Variants in TXNRD2 observed in about 807,000 individuals in gnomAD.
TXNRD2 encodes thioredoxin reductase 2, mitochondrial.
TXNRD2 carries 67 observed loss-of-function variants against 70.8 expected under a neutral mutation model. The observed-to-expected ratio is 0.95, with a 90% CI of 0.78 to 1.16. The LOEUF (loss-of-function observed/expected upper bound fraction) is 1.16, where lower values mean the gene tolerates loss of function less well. Ranked by LOEUF, TXNRD2 falls within the 50% of genes most tolerant of loss-of-function variation. The pLI is 0.00. For synonymous variants in TXNRD2, 301 were observed against 295.8 expected (o/e 1.02, Z -0.18); for missense variants, 644 against 719.9 (o/e 0.89, Z 1.21).
chr22:19,904,533 G>A (rs899927781), intron 8 of TXNRD2, among the ~76,000 whole-genome samples: 3 of 152,230 alleles, frequency 2.0e-5, no homozygotes, highest in South Asian at 2.1e-4. Context: ...GGCATGGTAC[G>A]ACCTTGCAGG....
chr22:19,909,542 C>T (rs78958146), intron 8 of TXNRD2, among the ~76,000 whole-genome samples: 2 of 116,714 alleles, frequency 1.7e-5, no homozygotes, highest in South Asian at 2.8e-4. Flanking sequence ...CACACACACA[C>T]ATAACCACTC....
intron 8 of TXNRD2, among the ~76,000 whole-genome samples, chr22:19,907,214 G>GGT (rs1569090626): frequency 6.3e-5 from 5 of 78,842 alleles, no homozygotes; most frequent in Admixed American, 1.9e-4. Flanking sequence ...GGAGAGTGTG[G>GGT]GCGCCGTGAG....
chr22:19,904,667 G>A (rs999740050), intron 8 of TXNRD2, among the ~76,000 whole-genome samples: 4 of 152,234 alleles, frequency 2.6e-5, no homozygotes, highest in East Asian at 1.9e-4. Flanking sequence ...AGAGAGGGAC[G>A]AGGGAGGCCT....
intron 8 of TXNRD2, among the ~76,000 whole-genome samples, chr22:19,908,387 AT>A (rs1321731435): frequency 6.6e-6 from 1 of 152,162 alleles, no homozygotes; most frequent in Non-Finnish European, 1.5e-5. Flanking sequence ...TGTAAAGCGT[AT>A]AAGACCACCT....
At chr22:19,920,938 T>C (rs1940883034) in intron 2 of TXNRD2, among the ~76,000 whole-genome samples, 1 of 151,632 alleles carries the variant, frequency 6.6e-6, no homozygotes, top group Admixed American at 6.6e-5. Flanking sequence ...CTGTCTCTAC[T>C]AAAAAATACA....
intron 11 of TXNRD2, chr22:19,895,048 C>T: frequency 1.3e-6 from 2 of 1,575,142 alleles, no homozygotes; most frequent in Non-Finnish European, 1.7e-6. Flanking sequence ...GTGCTGAAAC[C>T]TTAATAAGCA....
chr22:19,930,902 G>A (rs1354214584), intron 2 of TXNRD2, 128 bp downstream of exon 2: 3 of 820,802 alleles, frequency 3.7e-6, no homozygotes, highest in East Asian at 2.5e-5. Context: ...CCACAACACA[G>A]AGGCCACTGG....
chr22:19,892,887 C>T (rs184867078), intron 11 of TXNRD2, among the ~76,000 whole-genome samples: 24 of 152,322 alleles, frequency 1.6e-4, no homozygotes, highest in Admixed American at 2.6e-4. Flanking sequence ...CCTAATCCTT[C>T]GTAGTGTTTA....
intron 8 of TXNRD2, among the ~76,000 whole-genome samples, chr22:19,902,807 T>A (rs546655764): frequency 6.6e-6 from 1 of 152,224 alleles, no homozygotes; most frequent in East Asian, 1.9e-4. Context: ...CACAAGGACA[T>A]CCCATCACAC....
chr22:19,878,528 G>A, intron 14 of TXNRD2, 91 bp from the exon 15 acceptor site: 1 of 1,187,596 alleles, frequency 8.4e-7, no homozygotes, highest in Non-Finnish European at 1.3e-6. Flanking sequence ...GCAAGGCAGG[G>A]TCATGGCGGG....
chr22:19,890,121 C>T lies in TXNRD2; in HGVS notation c.949+5286G>A, dbSNP rs73148967. On this transcript the variant is annotated intron_variant, in intron 11 of 17. Transcript: ENST00000400521. ...AGGGCGCTGCCTCCTGCTACTCTGG[C>T]CTGGCCTCTGTGAGGTGTTAGCACC... Among the ~76,000 whole-genome samples, 395 of 152,282 alleles carry T rather than the reference C, an allele frequency of 2.6e-3. 1 individual carries two copies. Among genetic ancestry groups the T allele is most frequent in the Non-Finnish European group, 4.6e-3 (315 of 68,026 alleles).
intron 2 of TXNRD2, among the ~76,000 whole-genome samples, chr22:19,930,676 G>C (rs1941323314): frequency 6.6e-6 from 1 of 152,232 alleles, no homozygotes; most frequent in Admixed American, 6.5e-5. Context: ...GACAGCCACA[G>C]TAAGGTGAAG....
At chr22:19,905,699 G>A (rs1485112051) in intron 8 of TXNRD2, among the ~76,000 whole-genome samples, 1 of 152,068 alleles carries the variant, frequency 6.6e-6, no homozygotes, top group Non-Finnish European at 1.5e-5. Context: ...ATCCTGCAGG[G>A]GCTGGAGGGG....
At chr22:19,931,134 G>A (rs1569112850) in intron 1 of TXNRD2, 36 bp from the exon 2 acceptor site, 8 of 1,599,476 alleles carry the variant, frequency 5.0e-6, no homozygotes, top group Admixed American at 1.7e-5. Flanking sequence ...CGGACTGTCT[G>A]TCTGGTTAAA....
chr22:19,902,121 T>A (rs1384823350), intron 8 of TXNRD2, among the ~76,000 whole-genome samples: 2 of 152,152 alleles, frequency 1.3e-5, no homozygotes, highest in Non-Finnish European at 2.9e-5. Context: ...CACTTGAGCC[T>A]AGGAGTTTGA....
At chr22:19,902,462 G>A (rs1264436104) in intron 8 of TXNRD2, among the ~76,000 whole-genome samples, 1 of 152,198 alleles carries the variant, frequency 6.6e-6, no homozygotes, top group Non-Finnish European at 1.5e-5. Context: ...CTCACACAAA[G>A]TGAGTCTCAT....
intron 1 of TXNRD2, among the ~76,000 whole-genome samples, chr22:19,935,020 C>T (rs12483995): frequency 0.072 from 10,891 of 152,126 alleles, 824 homozygotes; most frequent in East Asian, 0.32. Flanking sequence ...ATGAAATCAG[C>T]GCACCTTGAA....
chr22:19,933,439 A>G lies in TXNRD2; in HGVS notation c.104-2341T>C. ...TTTGCTCAGAACGTCCCTACCTTCCATGGCAGGTGCCTGTCCTTCTTGTTG... is the reference window on the plus strand; with the variant it reads ...TTTGCTCAGAACGTCCCTACCTTCCGTGGCAGGTGCCTGTCCTTCTTGTTG... On this transcript the variant is annotated intron_variant, in intron 1 of 17. Transcript: ENST00000400521. 2.3e-6 allele frequency: 3 copies of G among 1,289,654 alleles called. No individual in the cohort carries two copies. In the South Asian group the frequency reaches 3.7e-5, roughly 16 times the overall value. The allele number at this position is 1,289,654 out of a possible 1,614,324, so 79.9% of individuals were successfully genotyped here. A position where few individuals can be genotyped will look rare whatever the true frequency, so the allele number is the denominator to read the frequency against.
chr22:19,899,800 C>T (rs1227762824), intron 8 of TXNRD2, among the ~76,000 whole-genome samples: 2 of 152,236 alleles, frequency 1.3e-5, no homozygotes, highest in Non-Finnish European at 2.9e-5. Flanking sequence ...CACGCACATA[C>T]TCGCATGGGT....
Sources: allele counts gnomAD v4.1 joint callset (sites outside exome capture counted in the v4.1 genomes callset), GRCh38; gene constraint gnomAD v4.1.1; transcripts MANE v1.5; gene names NCBI Gene and HGNC (gene_info 2026-07-23, HGNC 2026-07-21).